The following FAAH variants were observed in gnomAD, a reference collection of about 807,000 sequenced individuals.
FAAH encodes fatty-acid amide hydrolase 1.
In FAAH, 63 loss-of-function variants were observed where a neutral mutation model predicts 69.7. That is an observed-to-expected ratio of 0.90 (90% CI 0.74 to 1.12). The LOEUF (loss-of-function observed/expected upper bound fraction) is 1.12, where lower values mean the gene tolerates loss of function less well. Among genes scored for constraint, FAAH ranks in the 50% most tolerant of loss-of-function variants. The pLI is 0.00. For missense variants in FAAH, 680 were observed against 755.0 expected (o/e 0.90, Z 1.16); for synonymous variants, 305 against 324.2 (o/e 0.94, Z 0.64).
intron 7 of FAAH, 65 bp downstream of exon 7, chr1:46,406,433 G>T: frequency 6.2e-7 from 1 of 1,607,544 alleles, no homozygotes; most frequent in Non-Finnish European, 8.5e-7. Flanking sequence ...CAGGCCTTGT[G>T]GGCAGGCCTT....
chr1:46,413,489 G>A lies in FAAH; in HGVS notation c.1654G>A (p.Val552Met). 1 of 1,614,072 alleles carries A rather than the reference G, an allele frequency of 6.2e-7. No individual in the cohort carries two copies. Among genetic ancestry groups the A allele is most frequent in the Middle Eastern group, 1.6e-4 (1 of 6,062 alleles). Residue 552 changes from valine to methionine, a missense_variant, in exon 15 of 15, where the codon GTG becomes ATG. Coordinates refer to ENST00000243167, the MANE Select transcript of FAAH (RefSeq NM_001441.3). ...SVGLPVAVQC[V>M]ALPWQEELCL... ...GGGGCTGCCGGTGGCCGTGCAGTGT[G>A]TGGCTCTGCCCTGGCAAGAAGAGTT...
intron 13 of FAAH, 57 bp downstream of exon 13, chr1:46,412,308 G>T: frequency 1.4e-6 from 2 of 1,431,144 alleles, no homozygotes; most frequent in South Asian, 1.2e-5. Context: ...GCCCTGCAGG[G>T]CTGCGAGGAA....
intron 1 of FAAH, among the ~76,000 whole-genome samples, chr1:46,397,545 T>G (rs1189283299): frequency 1.3e-5 from 2 of 152,012 alleles, no homozygotes; most frequent in African/African-American, 4.8e-5. Flanking sequence ...AGTAGGATTT[T>G]TTTTTGGTTT....
chr1:46,408,607 G>A (rs45497198), intron 8 of FAAH, 23 bp downstream of exon 8: 32,373 of 1,614,068 alleles, frequency 0.02, 407 homozygotes, highest in Admixed American at 0.024. Flanking sequence ...GGTCCTGGAA[G>A]TACTGGCATC....
At chr1:46,397,333 A>G (rs1012564022) in intron 1 of FAAH, among the ~76,000 whole-genome samples, 1 of 152,208 alleles carries the variant, frequency 6.6e-6, no homozygotes, top group African/African-American at 2.4e-5. Flanking sequence ...AGCAGCATCT[A>G]TATGGTTTTC....
intron 9 of FAAH, 172 bp downstream of exon 9, chr1:46,409,370 T>A (rs1282375981): frequency 1.5e-6 from 1 of 654,672 alleles, no homozygotes; most frequent in Non-Finnish European, 2.8e-6. Flanking sequence ...AGCCTGGAGA[T>A]CCCTTGCCAG....
chr1:46,410,761 ACGTCTG>A lies in FAAH; in HGVS notation c.1276-51_1276-46del. The stretch of plus-strand genomic sequence containing the variant: ...CAGTGGCTTGGCCTGAAGAAGGTTG[ACGTCTG>A]CCGTGGCCCAGAGCTGAGTCACCGA... On this transcript the variant is annotated intron_variant, in intron 10 of 14. Coordinates refer to ENST00000243167, the MANE Select transcript of FAAH (RefSeq NM_001441.3). The surrounding 1 kb of genome is among the most constrained non-coding windows in gnomAD (Gnocchi z 4.9). The A allele has an allele frequency of 6.2e-7, 1 of 1,611,970 alleles. No homozygotes were observed.
chr1:46,406,100 G>A, intron 6 of FAAH, 22 bp downstream of exon 6: 1 of 1,614,180 alleles, frequency 6.2e-7, no homozygotes, highest in South Asian at 1.1e-5. Context: ...GGTGCTCTCA[G>A]TGCCCCGAGG....
In FAAH at chr1:46,413,178, C is replaced by T; in HGVS notation, c.1569C>T (p.Tyr523=). 1 of 1,614,154 alleles carries T rather than the reference C, an allele frequency of 6.2e-7. No homozygotes were observed. The highest frequency in any genetic ancestry group is 1.1e-5 in the South Asian group (1 of 91,086). The change falls in exon 14 of 15, where the codon TAC becomes TAT. Residue 523 remains tyrosine, a synonymous_variant. Transcript: ENST00000243167. ...TAEDEAQMEH[Y]RGYFGDIWDK... ...AGGACGAGGCCCAGATGGAACATTA[C>T]AGGGGCTACTTTGGGGATATCTGGG...
chr1:46,405,824 C>T lies in FAAH; in HGVS notation c.785+30C>T, dbSNP rs766441899. 6.2e-6 allele frequency: 10 copies of T among 1,611,790 alleles called. No homozygotes were observed. In the East Asian group the frequency reaches 1.8e-4, roughly 29 times the overall value. On this transcript the variant is annotated intron_variant, in intron 5 of 14. Coordinates refer to ENST00000243167, the MANE Select transcript of FAAH (RefSeq NM_001441.3). The surrounding 1 kb of genome is among the most constrained non-coding windows in gnomAD (Gnocchi z 4.1). ...GGTGGGTGGAGGGCGCTTCTGGGCC[C>T]CTCGCTGTGTGACCTTGGCCTAGCT...
chr1:46,396,249 A>T (rs1664594811), intron 1 of FAAH, among the ~76,000 whole-genome samples: 1 of 152,220 alleles, frequency 6.6e-6, no homozygotes, highest in Admixed American at 6.5e-5. Context: ...TATTGTCACC[A>T]GCATGTCTCA....
chr1:46,399,729 C>G (rs541338192), intron 1 of FAAH, among the ~76,000 whole-genome samples: 1 of 152,182 alleles, frequency 6.6e-6, no homozygotes, highest in East Asian at 1.9e-4. Flanking sequence ...AAAAATAAAG[C>G]AAAATTTGAT....
At chr1:46,401,620 C>T (rs1356562045) in intron 1 of FAAH, among the ~76,000 whole-genome samples, 2 of 152,164 alleles carry the variant, frequency 1.3e-5, no homozygotes, top group East Asian at 3.8e-4. Flanking sequence ...GGCAAGAAGG[C>T]ACCTCTCTCT....
intron 1 of FAAH, among the ~76,000 whole-genome samples, chr1:46,399,100 T>C (rs543285761): frequency 6.6e-6 from 1 of 152,348 alleles, no homozygotes; most frequent in African/African-American, 2.4e-5. Context: ...ATTTATGCCC[T>C]TATGCCTTTG....
At chr1:46,401,176 T>A (rs1276343008) in intron 1 of FAAH, among the ~76,000 whole-genome samples, 1 of 45,234 alleles carries the variant, frequency 2.2e-5, no homozygotes, top group African/African-American at 9.8e-5. Context: ...AGGGGAGGAG[T>A]AGAAGCAGGG....
chr1:46,406,648 T>C, intron 7 of FAAH, among the ~76,000 whole-genome samples: 1 of 148,696 alleles, frequency 6.7e-6, no homozygotes, highest in East Asian at 2.0e-4. Flanking sequence ...AGTGGCGCGA[T>C]CTCGGCTCAC....
rs1569825144 is a variant in FAAH, at chr1:46,411,549, C to G, written c.1317-63C>G. ...GATCTAGAGGGTTGGCAGTAGGGGT[C>G]TGATGTTGCTGATCTCCGTGGCTGT... On this transcript the variant is annotated intron_variant, in intron 11 of 14. Transcript: ENST00000243167. The surrounding 1 kb of genome is among the most constrained non-coding windows in gnomAD (Gnocchi z 4.8). The G allele has an allele frequency of 1.9e-6, 3 of 1,574,628 alleles. No individual in the cohort carries two copies. Among genetic ancestry groups the G allele is most frequent in the Middle Eastern group, 3.3e-4 (2 of 5,992 alleles).
At chr1:46,412,313 G>C in intron 13 of FAAH, 62 bp downstream of exon 13, 1 of 1,387,574 alleles carries the variant, frequency 7.2e-7, no homozygotes, top group African/African-American at 1.4e-5. Context: ...GCAGGGCTGC[G>C]AGGAAATGGA....
At chr1:46,409,539 G>A (rs1664862848) in intron 9 of FAAH, among the ~76,000 whole-genome samples, 1 of 152,132 alleles carries the variant, frequency 6.6e-6, no homozygotes, top group Admixed American at 6.5e-5. Context: ...TGGACTTGAT[G>A]CTGTGACTCC....
Sources: allele counts gnomAD v4.1 joint callset (sites outside exome capture counted in the v4.1 genomes callset), GRCh38; gene constraint gnomAD v4.1.1; non-coding constraint Gnocchi (gnomAD v3.1); transcripts MANE v1.5; gene names NCBI Gene and HGNC (gene_info 2026-07-23, HGNC 2026-07-21).